HIVEP1: variants seen among roughly 807,000 people sequenced by gnomAD.
HIVEP1 encodes HIVEP zinc finger 1.
HIVEP1 carries 36 observed loss-of-function variants against 180.0 expected under a neutral mutation model. The observed-to-expected ratio is 0.20, with a 90% CI of 0.15 to 0.26. HIVEP1 has a LOEUF of 0.26. Among genes scored for constraint, HIVEP1 ranks in the 10% least tolerant of loss-of-function variants. The pLI is 1.00. For missense variants in HIVEP1, 3,143 were observed against 3,268.7 expected, an observed-to-expected ratio of 0.96 and a Z score of 0.94; for synonymous variants, 1,239 against 1,239.0, an observed-to-expected ratio of 1.00 and a Z score of 0.00.
At chr6:12,108,649 G>GC (rs1339798213) in intron 3 of HIVEP1, among the ~76,000 whole-genome samples, 4 of 152,232 alleles carry the variant, frequency 2.6e-5, no homozygotes, top group Admixed American at 6.5e-5. Flanking sequence ...GCCCCTCATT[G>GC]CCCGGGGCCA....
At chr6:12,019,299 C>T (rs569417759) in intron 2 of HIVEP1, among the ~76,000 whole-genome samples, 4 of 152,250 alleles carry the variant, frequency 2.6e-5, no homozygotes, top group Admixed American at 1.3e-4. Flanking sequence ...GAAACTTCCG[C>T]GCTCCTCACA....
chr6:12,131,200 TAACTC>T (rs1296419318), intron 6 of HIVEP1, among the ~76,000 whole-genome samples: 2 of 151,850 alleles, frequency 1.3e-5, no homozygotes, highest in Non-Finnish European at 1.5e-5. Context: ...TTAAAAAACT[TAACTC>T]CTTAAATTGC....
At chr6:12,013,551 C>T (rs1336293981) in intron 1 of HIVEP1, among the ~76,000 whole-genome samples, 1 of 152,152 alleles carries the variant, frequency 6.6e-6, no homozygotes, top group South Asian at 2.1e-4. Flanking sequence ...TACATTTATG[C>T]TCCGGATCCC....
chr6:12,181,355 G>A, the HIVEP1 span, among the ~76,000 whole-genome samples: 266 of 151,704 alleles, frequency 1.8e-3, no homozygotes, highest in African/African-American at 5.7e-3. Context: ...GTGAGACTCC[G>A]TCTCAAAAAA....
At chr6:12,076,327 G>C (rs541716544) in intron 2 of HIVEP1, among the ~76,000 whole-genome samples, 1 of 152,146 alleles carries the variant, frequency 6.6e-6, no homozygotes, top group Admixed American at 6.5e-5. Flanking sequence ...TATACTTTTT[G>C]AAATAAAAAC....
At chr6:12,068,770 T>C (rs560261143) in intron 2 of HIVEP1, among the ~76,000 whole-genome samples, 1 of 152,318 alleles carries the variant, frequency 6.6e-6, no homozygotes, top group East Asian at 1.9e-4. Flanking sequence ...TATTTACACA[T>C]ATGTTCATAT....
chr6:12,072,704 C>T (rs532155117), intron 2 of HIVEP1, among the ~76,000 whole-genome samples: 63 of 152,246 alleles, frequency 4.1e-4, no homozygotes, highest in African/African-American at 1.5e-3. Context: ...TCTTCAAGTT[C>T]GTGACTCCTT....
intron 3 of HIVEP1, among the ~76,000 whole-genome samples, chr6:12,102,675 G>A (rs1043584819): frequency 2.0e-5 from 3 of 152,206 alleles, no homozygotes; most frequent in Non-Finnish European, 4.4e-5. Context: ...ACAGCTTGAT[G>A]TACAACTACA....
At chr6:12,211,007 G>T in the HIVEP1 span, among the ~76,000 whole-genome samples, 15 of 151,920 alleles carry the variant, frequency 9.9e-5, no homozygotes, top group Non-Finnish European at 1.8e-4. Flanking sequence ...AGACTCCCTA[G>T]AGGTGTATCT....
In HIVEP1 at chr6:12,087,627, T is replaced by C. The variant is rs150872194; in HGVS notation, c.41-1557T>C. Among the ~76,000 whole-genome samples the C allele has an allele frequency of 2.0e-3, 302 of 152,248 alleles. 1 individual carries two copies. The highest frequency in any genetic ancestry group is 6.9e-3 in the African/African-American group (285 of 41,574). Reference sequence around the variant, plus strand: ...GTATTTCGTTTTTTAAAAGTGGGTCTTAGCCTTTTGTTACTTACACTGTGT... The same window carrying C: ...GTATTTCGTTTTTTAAAAGTGGGTCCTAGCCTTTTGTTACTTACACTGTGT... On this transcript the variant is annotated intron_variant, in intron 2 of 8. Transcript: ENST00000379388.
chr6:12,142,924 G>C (rs1423698821), intron 7 of HIVEP1, among the ~76,000 whole-genome samples: 2 of 152,180 alleles, frequency 1.3e-5, no homozygotes, highest in Admixed American at 1.3e-4. Flanking sequence ...TCCAGGACCA[G>C]ATGGATTTAC....
At chr6:12,096,484 A>G (rs1391954061) in intron 3 of HIVEP1, among the ~76,000 whole-genome samples, 1 of 151,876 alleles carries the variant, frequency 6.6e-6, no homozygotes, top group Non-Finnish European at 1.5e-5. Flanking sequence ...GTGTGTCAGT[A>G]AAAATGCTAG....
chr6:12,209,963 G>T, the HIVEP1 span, among the ~76,000 whole-genome samples: 1 of 152,068 alleles, frequency 6.6e-6, no homozygotes. Context: ...CAGAAAGGTG[G>T]TTATATAGCC....
At chr6:12,104,374 CTCTT>C in intron 3 of HIVEP1, among the ~76,000 whole-genome samples, 1 of 146,468 alleles carries the variant, frequency 6.8e-6, no homozygotes, top group East Asian at 2.0e-4. Context: ...CTCTCTCTCT[CTCTT>C]TCTCTCTCTC....
chr6:12,050,313 C>T (rs115198275), intron 2 of HIVEP1, among the ~76,000 whole-genome samples: 3,877 of 152,304 alleles, frequency 0.025, 177 homozygotes, highest in African/African-American at 0.088. Flanking sequence ...CGGCCGGGTG[C>T]GCTGGCTCAC....
Position 12,104,425 on chromosome 6 carries a change from C to CTTTTTTTTTTT in HIVEP1, c.94+15202_94+15212dup, listed in dbSNP as rs70981665. ...CTCTCTCTCTCTCTCCTTTTCTTTC[C>CTTTTTTTTTTT]TTTTTTTTTTTTTTTTTTTTTTTTC... On this transcript the variant is annotated intron_variant, in intron 3 of 8. Transcript: ENST00000379388. Among the ~76,000 whole-genome samples the CTTTTTTTTTTT allele has an allele frequency of 5.4e-4, 39 of 72,776 alleles. 1 individual carries two copies. Among genetic ancestry groups the CTTTTTTTTTTT allele is most frequent in the South Asian group, 1.2e-3 (2 of 1,622 alleles). 47.7% of individuals were successfully genotyped at this position (72,776 alleles called of 152,430 possible).
At chr6:12,166,374 T>C (rs1375243471), downstream of HIVEP1, among the ~76,000 whole-genome samples, 1 of 152,192 alleles carries the variant, frequency 6.6e-6, no homozygotes, top group Non-Finnish European at 1.5e-5. Context: ...AGTGTTACGA[T>C]GTGAGTGGAT....
intron 2 of HIVEP1, chr6:12,020,191 T>G (rs72826022): frequency 4.1e-5 from 17 of 412,218 alleles, no homozygotes; most frequent in Admixed American, 3.2e-4. Context: ...CTCTTCACCC[T>G]TGGCCCAGCG....
intron 2 of HIVEP1, among the ~76,000 whole-genome samples, chr6:12,054,376 AACT>A (rs1471053010): frequency 6.6e-6 from 1 of 152,248 alleles, no homozygotes; most frequent in South Asian, 2.1e-4. Context: ...ATCCAGAAAT[AACT>A]ACTATTAACA....
Sources: allele counts gnomAD v4.1 joint callset (sites outside exome capture counted in the v4.1 genomes callset), GRCh38; gene constraint gnomAD v4.1.1; transcripts MANE v1.5; gene names NCBI Gene and HGNC (gene_info 2026-07-23, HGNC 2026-07-21).